The following TMEM117 variants were observed in gnomAD, a reference collection of about 807,000 sequenced individuals.
The protein encoded by TMEM117 is transmembrane protein 117.
Under a neutral mutation model 52.4 loss-of-function variants are expected in TMEM117, and 27 were observed. The ratio of observed to expected loss-of-function variants is 0.51; its 90% confidence interval spans 0.38 to 0.71. The LOEUF is 0.71. Ranked by LOEUF, TMEM117 falls within the 30% of genes least tolerant of loss-of-function variation. TMEM117 has a pLI of 0.00. For missense variants in TMEM117, 556 were observed against 630.5 expected (o/e 0.88, Z 1.26); for synonymous variants, 215 against 206.3 (o/e 1.04, Z -0.36).
intron 6 of TMEM117, among the ~76,000 whole-genome samples, chr12:44,339,834 T>C (rs1176265103): frequency 6.6e-6 from 1 of 151,696 alleles, no homozygotes; most frequent in Non-Finnish European, 1.5e-5. Context: ...TACTCATATA[T>C]GATTTTTATA....
chr12:44,274,508 CA>C (rs1390647161), intron 5 of TMEM117, among the ~76,000 whole-genome samples: 3 of 151,946 alleles, frequency 2.0e-5, no homozygotes, highest in African/African-American at 7.2e-5. Flanking sequence ...CTATATTAAG[CA>C]AAAAGAACTA....
At chr12:43,934,876 G>A (rs866718166) in intron 2 of TMEM117, among the ~76,000 whole-genome samples, 13 of 152,066 alleles carry the variant, frequency 8.5e-5, no homozygotes, top group African/African-American at 2.4e-4. Flanking sequence ...ATATAAAGCC[G>A]TGTTTGTCTA....
At chr12:44,222,831 A>T (rs1345554047) in intron 5 of TMEM117, among the ~76,000 whole-genome samples, 1 of 152,140 alleles carries the variant, frequency 6.6e-6, no homozygotes, top group Non-Finnish European at 1.5e-5. Flanking sequence ...TCCCCATTAC[A>T]TCTCTATAGC....
At chr12:44,346,549 A>AT (rs1165269521) in intron 6 of TMEM117, among the ~76,000 whole-genome samples, 3 of 152,060 alleles carry the variant, frequency 2.0e-5, no homozygotes, top group Non-Finnish European at 2.9e-5. Context: ...AAAAGTACTC[A>AT]TTGGGTCTAT....
intron 4 of TMEM117, 66 bp from the exon 5 acceptor site, chr12:44,211,224 G>C: frequency 1.9e-6 from 2 of 1,045,538 alleles, no homozygotes; most frequent in Non-Finnish European, 3.0e-6. Flanking sequence ...GTAAATTATA[G>C]GCTTATAGTT....
intron 2 of TMEM117, among the ~76,000 whole-genome samples, chr12:43,932,214 TAGG>T (rs1336814299): frequency 1.3e-5 from 2 of 151,954 alleles, no homozygotes; most frequent in Non-Finnish European, 2.9e-5. Flanking sequence ...TTTTAAATCT[TAGG>T]AGTCTAGATA....
rs538786639 is a variant in TMEM117 at position 44,157,594 on chromosome 12, C to T, written c.510+13970C>T. ...AGCCTTTTTAAAAAAATAATGAGGTCGGCTGTAAGTAGGTCACTCTGAATT... is the reference window on the plus strand; with the variant it reads ...AGCCTTTTTAAAAAAATAATGAGGTTGGCTGTAAGTAGGTCACTCTGAATT... On this transcript the variant is annotated intron_variant, in intron 4 of 7. Coordinates refer to ENST00000266534, the MANE Select transcript of TMEM117 (RefSeq NM_032256.3). Among the ~76,000 whole-genome samples the T allele has an allele frequency of 7.9e-5, 12 of 152,000 alleles. No individual in the cohort carries two copies. In the South Asian group the frequency reaches 1.9e-3, roughly 24 times the overall value.
At chr12:43,833,956 G>A (rs1565710975), upstream of TMEM117, among the ~76,000 whole-genome samples, 1 of 152,108 alleles carries the variant, frequency 6.6e-6, no homozygotes, top group Admixed American at 6.5e-5. Context: ...AGCCAGGTGT[G>A]GTGGTGTGTG....
At chr12:44,374,525 G>A (rs1951911556) in intron 6 of TMEM117, among the ~76,000 whole-genome samples, 1 of 151,734 alleles carries the variant, frequency 6.6e-6, no homozygotes, top group African/African-American at 2.4e-5. Context: ...TAAAAACTAA[G>A]ACTTGTTCTT....
At chr12:44,381,490 C>T (rs1341538400) in intron 7 of TMEM117, among the ~76,000 whole-genome samples, 3 of 152,108 alleles carry the variant, frequency 2.0e-5, no homozygotes, top group African/African-American at 7.2e-5. Flanking sequence ...CATCTGTCAT[C>T]GCAGCCAAAG....
At chr12:43,866,093 A>G (rs1051200069) in intron 2 of TMEM117, among the ~76,000 whole-genome samples, 1 of 151,832 alleles carries the variant, frequency 6.6e-6, no homozygotes, top group Non-Finnish European at 1.5e-5. Context: ...AGGAGATAGA[A>G]AACCACCAAC....
intron 5 of TMEM117, among the ~76,000 whole-genome samples, chr12:44,279,876 G>A (rs1950557294): frequency 6.6e-6 from 1 of 152,096 alleles, no homozygotes; most frequent in South Asian, 2.1e-4. Context: ...TCCATCTTCA[G>A]TCTTTATCCT....
rs568532290 is a variant in TMEM117, at chr12:43,844,002, A to G, written c.-28-622A>G. 2.6e-5 allele frequency among the ~76,000 whole-genome samples: 4 copies of G among 152,340 alleles called. No homozygotes were observed. The East Asian group carries it at 7.7e-4, about 29-fold the overall frequency. ...AATATTGTTTAACTTTTGTTAATAT[A>G]TGCTCATTTTACCTCTATATTGTTT... On this transcript the variant is annotated intron_variant, in intron 1 of 7. Transcript: ENST00000266534.
At chr12:43,828,330 C>G in the TMEM117 span, among the ~76,000 whole-genome samples, 55 of 152,314 alleles carry the variant, frequency 3.6e-4, no homozygotes, top group East Asian at 0.01. Flanking sequence ...TCCTAAAACT[C>G]AGAAGAATAG....
At chr12:43,985,633 G>A (rs551895507) in intron 3 of TMEM117, among the ~76,000 whole-genome samples, 166 of 152,270 alleles carry the variant, frequency 1.1e-3, no homozygotes, top group Non-Finnish European at 2.0e-3. Flanking sequence ...GAAAGATTTA[G>A]CAGCATCACT....
chr12:43,918,034 A>G (rs1380566932), intron 2 of TMEM117, among the ~76,000 whole-genome samples: 1 of 152,094 alleles, frequency 6.6e-6, no homozygotes, highest in Non-Finnish European at 1.5e-5. Context: ...TTCAGTTTCT[A>G]TTTCTGCTCC....
chr12:44,046,577 C>A (rs1221845052), intron 3 of TMEM117, among the ~76,000 whole-genome samples: 1 of 152,110 alleles, frequency 6.6e-6, no homozygotes. Flanking sequence ...GGGAAAAAAA[C>A]CACGACCTGC....
At chr12:44,144,009 A>G (rs74084676) in intron 4 of TMEM117, among the ~76,000 whole-genome samples, 46 of 152,304 alleles carry the variant, frequency 3.0e-4, no homozygotes, top group African/African-American at 1.1e-3. Flanking sequence ...GGCATGTACA[A>G]TTTTCAGGTA....
intron 3 of TMEM117, among the ~76,000 whole-genome samples, chr12:43,981,628 C>G (rs768002342): frequency 1.3e-5 from 2 of 152,100 alleles, no homozygotes; most frequent in African/African-American, 2.4e-5. Flanking sequence ...CTTCTGACTT[C>G]TAATACCTCT....
Sources: allele counts gnomAD v4.1 joint callset (sites outside exome capture counted in the v4.1 genomes callset), GRCh38; gene constraint gnomAD v4.1.1; transcripts MANE v1.5; gene names NCBI Gene and HGNC (gene_info 2026-07-23, HGNC 2026-07-21).